FAM222B: variants seen among roughly 807,000 people sequenced by gnomAD.
The protein encoded by FAM222B is family with sequence similarity 222 member B.
FAM222B carries 12 observed loss-of-function variants against 38.0 expected under a neutral mutation model. The ratio of observed to expected loss-of-function variants is 0.32; its 90% confidence interval spans 0.20 to 0.51. The LOEUF is 0.51. Among genes scored for constraint, FAM222B ranks in the 20% least tolerant of loss-of-function variants. The pLI is 0.97. For missense variants in FAM222B, 716 were observed against 754.2 expected, an observed-to-expected ratio of 0.95 and a Z score of 0.59; for synonymous variants, 329 against 317.2, an observed-to-expected ratio of 1.04 and a Z score of -0.40.
Position 28,786,894 on chromosome 17 carries a change from ATTTTTTTTTTTTTTT to A in FAM222B, c.-40-20202_-40-20188del, listed in dbSNP as rs34396988. Among the ~76,000 whole-genome samples the A allele has an allele frequency of 4.2e-5, 3 of 72,002 alleles. No homozygotes were observed. The Admixed American group carries it at 5.7e-4, about 14-fold the overall frequency. 47.2% of individuals were successfully genotyped at this position (72,002 alleles called of 152,430 possible). A position where few individuals can be genotyped will look rare whatever the true frequency, so the allele number is the denominator to read the frequency against. On this transcript the variant is annotated intron_variant, in intron 1 of 2. Coordinates refer to ENST00000581407, the MANE Select transcript of FAM222B (RefSeq NM_001077498.3). ...TAGCTAACACACTGCCCTTCACTGT[ATTTTTTTTTTTTTTT>A]TTTTTTTTTTTTTGAGACAGAGTCT...
intron 1 of FAM222B, among the ~76,000 whole-genome samples, chr17:28,795,438 ACTT>A (rs2036896478): frequency 6.6e-6 from 1 of 151,800 alleles, no homozygotes; most frequent in African/African-American, 2.4e-5. Flanking sequence ...CCGCACCCAG[ACTT>A]CTTTTGTTTT....
chr17:28,803,284 A>G (rs2037324960), intron 1 of FAM222B, among the ~76,000 whole-genome samples: 1 of 152,104 alleles, frequency 6.6e-6, no homozygotes, highest in African/African-American at 2.4e-5. Flanking sequence ...TGGAGATTAC[A>G]GGCATGAGCC....
At chr17:28,809,315 T>C (rs1205293263) in intron 1 of FAM222B, among the ~76,000 whole-genome samples, 2 of 144,262 alleles carry the variant, frequency 1.4e-5, no homozygotes, top group African/African-American at 2.6e-5. Flanking sequence ...ATTGTGCCAC[T>C]GCATTCCAGC....
intron 2 of FAM222B, among the ~76,000 whole-genome samples, chr17:28,763,825 CAA>C (rs1200679737): frequency 1.3e-5 from 2 of 152,184 alleles, no homozygotes; most frequent in African/African-American, 4.8e-5. Context: ...AGCAACTTGA[CAA>C]ATGTTAGCTA....
chr17:28,824,319 G>A (rs1312833313), intron 1 of FAM222B, among the ~76,000 whole-genome samples: 1 of 151,690 alleles, frequency 6.6e-6, no homozygotes. Context: ...CAAGTAGTTG[G>A]GACCACAGGC....
At chr17:28,851,702 C>G (rs1034090275) in intron 1 of FAM222B, among the ~76,000 whole-genome samples, 2 of 151,476 alleles carry the variant, frequency 1.3e-5, no homozygotes, top group Admixed American at 6.6e-5. Flanking sequence ...ATGGCGAAAC[C>G]CTGTCTCTAC....
intron 1 of FAM222B, among the ~76,000 whole-genome samples, chr17:28,808,950 A>G (rs988161303): frequency 2.0e-5 from 3 of 152,132 alleles, no homozygotes; most frequent in Non-Finnish European, 4.4e-5. Flanking sequence ...CACCTTCTCA[A>G]GGGGATCATT....
chr17:28,784,357 TC>T (rs980742286), intron 1 of FAM222B, among the ~76,000 whole-genome samples: 1 of 151,118 alleles, frequency 6.6e-6, no homozygotes, highest in African/African-American at 2.4e-5. Context: ...AAACTTATAG[TC>T]CCAACGACTT....
At chr17:28,794,222 C>CTT (rs35751655) in intron 1 of FAM222B, among the ~76,000 whole-genome samples, 8 of 142,292 alleles carry the variant, frequency 5.6e-5, no homozygotes, top group African/African-American at 1.0e-4. Context: ...TTGTCTTTTG[C>CTT]TTTTTTTTTT....
intron 1 of FAM222B, among the ~76,000 whole-genome samples, chr17:28,837,743 C>G (rs1313066321): frequency 6.6e-6 from 1 of 151,718 alleles, no homozygotes; most frequent in Non-Finnish European, 1.5e-5. Context: ...ACCTCCACCT[C>G]CTGGATTCAA....
chr17:28,852,236 G>T (rs1357042411), intron 1 of FAM222B, among the ~76,000 whole-genome samples: 2 of 151,748 alleles, frequency 1.3e-5, no homozygotes, highest in African/African-American at 4.8e-5. Flanking sequence ...GCATGGTGGT[G>T]GGCGCCTGCA....
rs34269353 is a variant in FAM222B, at chr17:28,758,821, C to A, written c.1138G>T (p.Ala380Ser). Residue 380 changes from alanine (A) to serine (S), a missense_variant, in exon 3 of 3, where the codon GCT becomes TCT. Ala to Ser is a moderately conservative substitution (Grantham distance 99). Coordinates refer to ENST00000581407, the MANE Select transcript of FAM222B (RefSeq NM_001077498.3). ...AGGCCAGGGGCTGGCGTCCCACTAG[C>A]CTCGCTGCACATCTGCTGTAGGTGG... is the stretch of plus-strand genomic sequence containing the variant. ...LAHLQQMCSE[A>S]SGTPAPGLTG... 1.3e-6 allele frequency: 2 copies of A among 1,589,292 alleles called. No homozygotes were observed. Among genetic ancestry groups the A allele is most frequent in the Middle Eastern group, 1.7e-4 (1 of 6,038 alleles).
chr17:28,827,555 G>A (rs2152602891), intron 1 of FAM222B, among the ~76,000 whole-genome samples: 1 of 152,288 alleles, frequency 6.6e-6, no homozygotes, highest in South Asian at 2.1e-4. Context: ...AAATGTCAGA[G>A]TAGCCCATCA....
chr17:28,768,668 C>T lies in FAM222B; in HGVS notation c.-40-1961G>A, dbSNP rs534125620. On this transcript the variant is annotated intron_variant, in intron 1 of 2. Coordinates refer to ENST00000581407, the MANE Select transcript of FAM222B (RefSeq NM_001077498.3). ...CGTGGCCAACGTGGTGAAACCCTGT[C>T]TCTACTAAAAATACAAAATTAGCTG... Among the ~76,000 whole-genome samples, 228 of 152,022 alleles carry T rather than the reference C, an allele frequency of 1.5e-3. 1 individual carries two copies. The highest frequency in any genetic ancestry group is 5.3e-3 in the African/African-American group (219 of 41,478).
At chr17:28,829,276 G>A (rs998966517) in intron 1 of FAM222B, among the ~76,000 whole-genome samples, 2 of 146,852 alleles carry the variant, frequency 1.4e-5, no homozygotes, top group African/African-American at 2.5e-5. Flanking sequence ...GTGCAATGGC[G>A]CCATCTTGGC....
At chr17:28,835,313 G>A (rs2038805324) in intron 1 of FAM222B, among the ~76,000 whole-genome samples, 1 of 152,022 alleles carries the variant, frequency 6.6e-6, no homozygotes, top group South Asian at 2.1e-4. Flanking sequence ...GGGATTACAG[G>A]TGTAAGCCAC....
In FAM222B at chr17:28,759,405, G is replaced by A. The variant is rs761967270; in HGVS notation, c.554C>T (p.Ser185Phe). Residue 185 changes from serine (S) to phenylalanine (F), a missense_variant, in exon 3 of 3, where the codon TCC becomes TTC. Transcript: ENST00000581407. The surrounding 1 kb of genome is among the most constrained non-coding windows in gnomAD (Gnocchi z 4.8). ...PQGIPPPQAL[S>F]HPQSLQQPQG... ...AGGCTGCTGGAGGCTCTGAGGGTGG[G>A]ACAGTGCCTGGGGTGGCGGGATACC... 6.3e-7 allele frequency: 1 copy of A among 1,598,818 alleles called. No individual in the cohort carries two copies. Among genetic ancestry groups the A allele is most frequent in the Non-Finnish European group, 8.5e-7 (1 of 1,174,090 alleles).
At chr17:28,831,504 CT>C (rs35692613) in intron 1 of FAM222B, among the ~76,000 whole-genome samples, 2,719 of 110,826 alleles carry the variant, frequency 0.025, 46 homozygotes, top group African/African-American at 0.082. Flanking sequence ...TTGTCAAAGG[CT>C]TTTTTTTTTT....
intron 1 of FAM222B, chr17:28,849,354 G>A (rs1445375750): frequency 6.6e-6 from 1 of 152,108 alleles, no homozygotes. Flanking sequence ...ATGGAGCCTT[G>A]AGTAGAGTTG....
Sources: gnomAD v4.1 joint callset for allele counts (sites outside exome capture counted in the v4.1 genomes callset) on GRCh38, gnomAD v4.1.1 for gene constraint, Gnocchi (gnomAD v3.1) non-coding constraint, MANE v1.5 for transcripts, NCBI Gene and HGNC (gene_info 2026-07-23, HGNC 2026-07-21) for gene names.